Variants in PDE11A observed in about 807,000 individuals in gnomAD.
PDE11A encodes dual 3',5'-cyclic-AMP and -GMP phosphodiesterase 11A.
A neutral mutation model predicts 100.5 loss-of-function variants in PDE11A; 100 were observed. The observed-to-expected ratio is 1.00, with a 90% CI of 0.85 to 1.18. PDE11A has a LOEUF of 1.18. PDE11A is among the 50% of genes most tolerant of loss of function. PDE11A has a pLI of 0.00. For synonymous variants in PDE11A, 381 were observed against 420.8 expected (o/e 0.91, Z 1.16); for missense variants, 1,141 against 1,152.6 (o/e 0.99, Z 0.15).
intron 2 of PDE11A, among the ~76,000 whole-genome samples, chr2:177,995,322 A>C (rs1440884324): frequency 6.6e-6 from 1 of 152,214 alleles, no homozygotes; most frequent in Non-Finnish European, 1.5e-5. Flanking sequence ...ATCCATAGCC[A>C]AGCTGACCAA....
At chr2:177,812,801 C>T (rs1001520464) in intron 9 of PDE11A, among the ~76,000 whole-genome samples, 1 of 152,064 alleles carries the variant, frequency 6.6e-6, no homozygotes, top group Non-Finnish European at 1.5e-5. Context: ...TGCTGTTAAG[C>T]GGGTAAAGAG....
intron 4 of PDE11A, 45 bp from the exon 5 acceptor site, chr2:177,875,968 T>C (rs1408305662): frequency 3.7e-6 from 4 of 1,077,748 alleles, no homozygotes; most frequent in Non-Finnish European, 5.8e-6. Flanking sequence ...TAAAGCTTTA[T>C]TGCCGTTTAA....
At chr2:178,055,370 G>T (rs1367363299) in intron 1 of PDE11A, among the ~76,000 whole-genome samples, 1 of 150,980 alleles carries the variant, frequency 6.6e-6, no homozygotes. Context: ...AGGGAGGAGG[G>T]ATAGCATTAG....
At chr2:177,724,853 G>A (rs923875275) in intron 12 of PDE11A, among the ~76,000 whole-genome samples, 2 of 152,038 alleles carry the variant, frequency 1.3e-5, no homozygotes, top group Non-Finnish European at 2.9e-5. Flanking sequence ...TTGCCTTGGA[G>A]CGCCATCTAG....
At chr2:177,800,640 T>C (rs1354928784) in intron 9 of PDE11A, among the ~76,000 whole-genome samples, 2 of 152,216 alleles carry the variant, frequency 1.3e-5, no homozygotes, top group Non-Finnish European at 2.9e-5. Flanking sequence ...ACATGCCTAC[T>C]GTGTGCTGCT....
chr2:178,061,364 T>G (rs538301800), intron 1 of PDE11A, among the ~76,000 whole-genome samples: 5 of 152,178 alleles, frequency 3.3e-5, no homozygotes, highest in Admixed American at 3.3e-4. Flanking sequence ...CATCCTACAA[T>G]GCACAGGTCA....
Position 178,015,996 on chromosome 2 carries a change from G to A in PDE11A, c.913-1536C>T, listed in dbSNP as rs764044904. 5.3e-5 allele frequency among the ~76,000 whole-genome samples: 8 copies of A among 152,032 alleles called. No individual in the cohort carries two copies. In the East Asian group the frequency reaches 9.7e-4, roughly 18 times the overall value. ...CTGGTGCCTATGCTATGCTATTCTC[G>A]CTCTGTCACCCAGGCTGGAATGCAG... is the stretch of plus-strand genomic sequence containing the variant. On this transcript the variant is annotated intron_variant, in intron 1 of 19. Transcript: ENST00000286063.
At chr2:177,802,965 G>T (rs1410789284) in intron 9 of PDE11A, among the ~76,000 whole-genome samples, 2 of 151,668 alleles carry the variant, frequency 1.3e-5, no homozygotes, top group African/African-American at 4.8e-5. Flanking sequence ...CAAAAACTAG[G>T]AAACTATAGG....
intron 13 of PDE11A, among the ~76,000 whole-genome samples, 169 bp downstream of exon 13, chr2:177,711,600 A>C (rs2081359851): frequency 6.6e-6 from 1 of 152,242 alleles, no homozygotes; most frequent in Non-Finnish European, 1.5e-5. Flanking sequence ...CAATTAAAAG[A>C]AGAATAGGGA....
intron 9 of PDE11A, among the ~76,000 whole-genome samples, chr2:177,774,852 T>A (rs2082357378): frequency 6.6e-6 from 1 of 152,226 alleles, no homozygotes; most frequent in African/African-American, 2.4e-5. Context: ...GGAATCTGTG[T>A]ATATGATATG....
intron 1 of PDE11A, among the ~76,000 whole-genome samples, chr2:178,064,683 G>T (rs1218837736): frequency 6.6e-6 from 1 of 151,710 alleles, no homozygotes; most frequent in Admixed American, 6.6e-5. Flanking sequence ...ACCCTGCCGG[G>T]CTCAGTGGCA....
intron 1 of PDE11A, among the ~76,000 whole-genome samples, chr2:178,106,554 T>A (rs1181407356): frequency 6.6e-6 from 1 of 152,158 alleles, no homozygotes; most frequent in East Asian, 1.9e-4. Flanking sequence ...AAAAGCACAT[T>A]TTTGGCCTTT....
chr2:177,984,404 T>C (rs907764874), intron 2 of PDE11A, among the ~76,000 whole-genome samples: 5 of 152,210 alleles, frequency 3.3e-5, no homozygotes, highest in Non-Finnish European at 7.3e-5. Flanking sequence ...TACTTTTAAC[T>C]GAGTGAAAAC....
At position 177,780,616 on chromosome 2, in the gene PDE11A, T is replaced by A. The variant is rs575209985; in HGVS notation, c.1738-11243A>T. Among the ~76,000 whole-genome samples the A allele has an allele frequency of 2.0e-5, 3 of 152,352 alleles. No homozygotes were observed. The South Asian group carries it at 6.2e-4, about 32-fold the overall frequency. ...CTGTTGTCTACTGTAACAACCTTTA[T>A]CAATGATCTTAGCTAGATGTTCTGG... On this transcript the variant is annotated intron_variant, in intron 9 of 19. Coordinates refer to ENST00000286063, the MANE Select transcript of PDE11A (RefSeq NM_016953.4).
At chr2:178,029,838 C>T (rs2086522833) in intron 1 of PDE11A, among the ~76,000 whole-genome samples, 1 of 152,118 alleles carries the variant, frequency 6.6e-6, no homozygotes, top group Admixed American at 6.5e-5. Context: ...GGGCTCTGCC[C>T]TCATGAATAC....
rs549183409 is a variant in PDE11A, at chr2:178,050,803, G to A, written c.912+20723C>T. Among the ~76,000 whole-genome samples the A allele has an allele frequency of 2.0e-5, 3 of 152,174 alleles. No homozygotes were observed. The East Asian group carries it at 5.8e-4, about 29-fold the overall frequency. The stretch of plus-strand genomic sequence containing the variant: ...GAAATGAAGTGAGAAGAGAAGCTTA[G>A]AGAAAAAAGAGTAAAAAGAAATGAA... On this transcript the variant is annotated intron_variant, in intron 1 of 19. Coordinates refer to ENST00000286063, the MANE Select transcript of PDE11A (RefSeq NM_016953.4).
chr2:177,804,656 A>T (rs866145647), intron 9 of PDE11A, among the ~76,000 whole-genome samples: 1 of 151,988 alleles, frequency 6.6e-6, no homozygotes, highest in Non-Finnish European at 1.5e-5. Flanking sequence ...ATAATATCAA[A>T]GATATGGAAT....
At chr2:178,044,001 T>G (rs2086714491) in intron 1 of PDE11A, among the ~76,000 whole-genome samples, 1 of 152,200 alleles carries the variant, frequency 6.6e-6, no homozygotes, top group Non-Finnish European at 1.5e-5. Context: ...TTGTCAGTGG[T>G]ACAAACAGTA....
At chr2:177,935,400 G>A (rs1387119922) in intron 2 of PDE11A, among the ~76,000 whole-genome samples, 3 of 152,194 alleles carry the variant, frequency 2.0e-5, no homozygotes, top group Non-Finnish European at 2.9e-5. Flanking sequence ...TAGCTGCAGT[G>A]AATGTCATTG....
Sources: gnomAD v4.1 joint callset for allele counts (sites outside exome capture counted in the v4.1 genomes callset) on GRCh38, gnomAD v4.1.1 for gene constraint, MANE v1.5 for transcripts, NCBI Gene and HGNC (gene_info 2026-07-23, HGNC 2026-07-21) for gene names.